CSMD3: variants seen among roughly 807,000 people sequenced by gnomAD.
CSMD3 encodes the protein CUB and Sushi multiple domains 3.
A neutral mutation model predicts 435.2 loss-of-function variants in CSMD3; 177 were observed. That is an observed-to-expected ratio of 0.41 (90% CI 0.36 to 0.46). CSMD3 has a LOEUF of 0.46. CSMD3 is among the 20% of genes least tolerant of loss of function. The probability of loss-of-function intolerance (pLI) is 0.34; values close to 1 mark genes in which losing one functional copy is unlikely to be tolerated. For synonymous variants in CSMD3, 1,656 were observed against 1,520.5 expected (o/e 1.09, Z -2.07); for missense variants, 4,265 against 4,504.6 (o/e 0.95, Z 1.52).
In CSMD3 at chr8:112,381,318, A is replaced by T. The variant is rs576403373; in HGVS notation, c.6032-862T>A. Among the ~76,000 whole-genome samples the T allele has an allele frequency of 2.2e-4, 34 of 152,292 alleles. No individual in the cohort carries two copies. The East Asian group carries it at 6.2e-3, about 28-fold the overall frequency. On this transcript the variant is annotated intron_variant, in intron 37 of 70. Coordinates refer to ENST00000297405, the MANE Select transcript of CSMD3 (RefSeq NM_198123.2). ...TAATGATATTTTTCTGGACTTCTGAAGGAGATCAAATTTATTTTATTAAGT... is the reference window on the plus strand; with the variant it reads ...TAATGATATTTTTCTGGACTTCTGATGGAGATCAAATTTATTTTATTAAGT...
intron 3 of CSMD3, among the ~76,000 whole-genome samples, chr8:113,270,380 C>A (rs947012160): frequency 1.3e-5 from 2 of 151,934 alleles, no homozygotes; most frequent in Non-Finnish European, 2.9e-5. Context: ...GTTGGTGGGA[C>A]TGTAAACTAG....
chr8:112,660,980 C>CA (rs557475506), intron 17 of CSMD3, among the ~76,000 whole-genome samples: 166 of 152,098 alleles, frequency 1.1e-3, no homozygotes, highest in African/African-American at 3.9e-3. Context: ...GGGGAGAAGC[C>CA]AAAATCTTTA....
At position 113,031,261 on chromosome 8, in the gene CSMD3, T is replaced by C. The variant is rs1383041492; in HGVS notation, c.918-12082A>G. 2.0e-5 allele frequency among the ~76,000 whole-genome samples: 3 copies of C among 151,576 alleles called. 1 individual carries two copies. The highest frequency in any genetic ancestry group is 4.4e-5 in the Non-Finnish European group (3 of 67,810). ...AAGAACACAAATGGTCTACAACAGG[T>C]GAATGATTCAACAAACTGTAGCATA... On this transcript the variant is annotated intron_variant, in intron 5 of 70. Transcript: ENST00000297405.
intron 1 of CSMD3, among the ~76,000 whole-genome samples, chr8:113,363,364 T>A (rs900235934): frequency 6.6e-6 from 1 of 152,228 alleles, no homozygotes; most frequent in African/African-American, 2.4e-5. Flanking sequence ...TGTGCTTTAA[T>A]TCTTTTAATG....
At chr8:113,207,569 G>C (rs2092786084) in intron 3 of CSMD3, among the ~76,000 whole-genome samples, 1 of 151,808 alleles carries the variant, frequency 6.6e-6, no homozygotes, top group Admixed American at 6.6e-5. Flanking sequence ...TTTTAGTAGA[G>C]ATGGGATTTC....
intron 5 of CSMD3, among the ~76,000 whole-genome samples, chr8:113,055,656 CAG>C (rs1186222044): frequency 6.6e-6 from 1 of 152,026 alleles, no homozygotes; most frequent in African/African-American, 2.4e-5. Flanking sequence ...ACTGCAAAAA[CAG>C]AAAATATTAG....
intron 1 of CSMD3, among the ~76,000 whole-genome samples, chr8:113,362,486 C>A (rs192159261): frequency 3.9e-5 from 6 of 152,276 alleles, no homozygotes; most frequent in African/African-American, 1.2e-4. Flanking sequence ...TTCTCCTTAA[C>A]TAGAAAGTCA....
At chr8:112,287,903 T>C (rs1279485822) in intron 57 of CSMD3, among the ~76,000 whole-genome samples, 1 of 152,122 alleles carries the variant, frequency 6.6e-6, no homozygotes, top group Non-Finnish European at 1.5e-5. Flanking sequence ...TAGGCGTTCA[T>C]CTTTTGATTT....
chr8:112,934,584 A>G (rs1295125713), intron 9 of CSMD3, among the ~76,000 whole-genome samples: 1 of 152,168 alleles, frequency 6.6e-6, no homozygotes, highest in East Asian at 1.9e-4. Flanking sequence ...TGTGGAGCAT[A>G]AAATGAGGGT....
intron 28 of CSMD3, among the ~76,000 whole-genome samples, chr8:112,511,421 G>T (rs550645281): frequency 2.5e-4 from 31 of 124,406 alleles, no homozygotes; most frequent in African/African-American, 9.2e-4. Context: ...ATGGAGTCTC[G>T]CTCTGTTGCC....
At chr8:112,983,261 C>G (rs2085119309) in intron 6 of CSMD3, among the ~76,000 whole-genome samples, 1 of 151,784 alleles carries the variant, frequency 6.6e-6, no homozygotes, top group African/African-American at 2.4e-5. Context: ...CCTTCACTAC[C>G]TGAATGTATC....
At chr8:112,674,370 C>T (rs2075726116) in intron 16 of CSMD3, among the ~76,000 whole-genome samples, 1 of 152,088 alleles carries the variant, frequency 6.6e-6, no homozygotes, top group African/African-American at 2.4e-5. Context: ...TCACTGGTGC[C>T]TCTCTTTTGT....
At chr8:112,499,477 C>A (rs978594909) in intron 30 of CSMD3, among the ~76,000 whole-genome samples, 2 of 151,956 alleles carry the variant, frequency 1.3e-5, no homozygotes, top group African/African-American at 4.8e-5. Context: ...AAAACTTGCA[C>A]TCATTAGATG....
At chr8:112,321,175 C>T (rs1822967210) in intron 45 of CSMD3, among the ~76,000 whole-genome samples, 1 of 151,908 alleles carries the variant, frequency 6.6e-6, no homozygotes, top group Non-Finnish European at 1.5e-5. Flanking sequence ...GTTTTATATG[C>T]CTATTTTTAC....
At chr8:112,728,196 A>T (rs558590679) in intron 13 of CSMD3, among the ~76,000 whole-genome samples, 1 of 152,030 alleles carries the variant, frequency 6.6e-6, no homozygotes, top group Non-Finnish European at 1.5e-5. Context: ...AAGACAGTAA[A>T]CTGATTATGA....
At chr8:112,693,826 T>C (rs185482148) in intron 13 of CSMD3, among the ~76,000 whole-genome samples, 32 of 151,942 alleles carry the variant, frequency 2.1e-4, no homozygotes, top group Non-Finnish European at 4.3e-4. Context: ...ACTTTCAACT[T>C]CTCATTTTTA....
chr8:112,441,226 T>A (rs1348351158), intron 32 of CSMD3, among the ~76,000 whole-genome samples: 1 of 152,120 alleles, frequency 6.6e-6, no homozygotes, highest in Non-Finnish European at 1.5e-5. Context: ...TGATAAAGCA[T>A]AGCAAGAGTC....
intron 4 of CSMD3, among the ~76,000 whole-genome samples, chr8:113,110,043 C>T (rs1163396758): frequency 6.6e-6 from 1 of 152,208 alleles, no homozygotes; most frequent in Non-Finnish European, 1.5e-5. Flanking sequence ...GTTCTCCTCC[C>T]CAGGCTCTTG....
At chr8:113,034,014 T>C (rs2087235862) in intron 5 of CSMD3, among the ~76,000 whole-genome samples, 1 of 151,530 alleles carries the variant, frequency 6.6e-6, no homozygotes. Flanking sequence ...GCTTCTCCTT[T>C]GCCTTATGCA....
Sources: allele counts gnomAD v4.1 joint callset (sites outside exome capture counted in the v4.1 genomes callset), GRCh38; gene constraint gnomAD v4.1.1; transcripts MANE v1.5; gene names NCBI Gene and HGNC (gene_info 2026-07-23, HGNC 2026-07-21).